The following CTNNA2 variants were observed in gnomAD, a reference collection of about 807,000 sequenced individuals.
CTNNA2 encodes the protein catenin alpha 2.
Under a neutral mutation model 101.0 loss-of-function variants are expected in CTNNA2, and 42 were observed. The observed-to-expected ratio is 0.42, with a 90% CI of 0.32 to 0.54. The LOEUF is 0.54. Among genes scored for constraint, CTNNA2 ranks in the 20% least tolerant of loss-of-function variants. The pLI, the probability that CTNNA2 is intolerant of heterozygous loss-of-function variation, is 0.14. For missense variants in CTNNA2, 871 were observed against 1,223.1 expected, an observed-to-expected ratio of 0.71 and a Z score of 4.29; for synonymous variants, 450 against 456.4, an observed-to-expected ratio of 0.99 and a Z score of 0.18.
At chr2:79,280,852 A>G (rs1381413765) in intron 2 of CTNNA2, among the ~76,000 whole-genome samples, 1 of 151,912 alleles carries the variant, frequency 6.6e-6, no homozygotes, top group Non-Finnish European at 1.5e-5. Context: ...TTTACAGGCT[A>G]CCCTGACTCC....
intron 1 of CTNNA2, among the ~76,000 whole-genome samples, chr2:79,564,085 G>C (rs948237180): frequency 6.6e-6 from 1 of 151,982 alleles, no homozygotes; most frequent in Admixed American, 6.6e-5. Flanking sequence ...GTGGGTTTGC[G>C]TATCACCTAC....
At chr2:79,896,674 C>G (rs1251789220) in intron 6 of CTNNA2, among the ~76,000 whole-genome samples, 3 of 152,174 alleles carry the variant, frequency 2.0e-5, no homozygotes, top group African/African-American at 7.2e-5. Flanking sequence ...CACAGGCGCA[C>G]TGCTGCCAGT....
At chr2:80,329,232 C>G (rs1310554255) in intron 7 of CTNNA2, among the ~76,000 whole-genome samples, 1 of 152,160 alleles carries the variant, frequency 6.6e-6, no homozygotes, top group Non-Finnish European at 1.5e-5. Flanking sequence ...GGGTGAATAA[C>G]CAGCCTGGTG....
chr2:80,004,726 G>A (rs1289298255), intron 7 of CTNNA2, among the ~76,000 whole-genome samples: 1 of 150,130 alleles, frequency 6.7e-6, no homozygotes, highest in Non-Finnish European at 1.5e-5. Context: ...CATCCGAGAT[G>A]GAGTCTTGCT....
intron 4 of CTNNA2, among the ~76,000 whole-genome samples, chr2:79,387,867 A>G (rs142346480): frequency 1.3e-3 from 191 of 152,328 alleles, no homozygotes; most frequent in African/African-American, 3.8e-3. Flanking sequence ...TTACAAATCT[A>G]TAGATGTATT....
Position 80,541,133 on chromosome 2 carries a change from G to A in CTNNA2, c.1291-3849G>A, listed in dbSNP as rs576697730. Among the ~76,000 whole-genome samples the A allele has an allele frequency of 3.9e-5, 6 of 152,086 alleles. 2 individuals are homozygous for A. The highest frequency in any genetic ancestry group is 1.4e-4 in the African/African-American group (6 of 41,486). ...TCCAGTGAGAAGCAGAGAAAGACAAGCCAAAAGAAAAAAGGGAAGGTAGGG... is the reference window on the plus strand; with the variant it reads ...TCCAGTGAGAAGCAGAGAAAGACAAACCAAAAGAAAAAAGGGAAGGTAGGG... On this transcript the variant is annotated intron_variant, in intron 9 of 18. Transcript: ENST00000402739.
chr2:79,396,018 T>C (rs997106174), intron 4 of CTNNA2, among the ~76,000 whole-genome samples: 1 of 152,192 alleles, frequency 6.6e-6, no homozygotes, highest in Admixed American at 6.5e-5. Flanking sequence ...GACACAGCAT[T>C]ATGTGTTTCC....
intron 3 of CTNNA2, among the ~76,000 whole-genome samples, chr2:79,763,759 C>G (rs575264430): frequency 2.0e-5 from 3 of 152,240 alleles, no homozygotes; most frequent in African/African-American, 7.2e-5. Context: ...TGTGGATATT[C>G]TAAAGATGAG....
chr2:79,597,722 C>G (rs1677292238), intron 1 of CTNNA2, among the ~76,000 whole-genome samples: 1 of 152,056 alleles, frequency 6.6e-6, no homozygotes, highest in African/African-American at 2.4e-5. Flanking sequence ...GCACAGCCTC[C>G]CCAGTGAGAC....
intron 8 of CTNNA2, among the ~76,000 whole-genome samples, chr2:80,407,198 C>T (rs1202968479): frequency 6.6e-6 from 1 of 152,164 alleles, no homozygotes; most frequent in Non-Finnish European, 1.5e-5. Flanking sequence ...TAACAAAAGT[C>T]GTTTGGTCAA....
chr2:79,635,011 T>C (rs1679925594), intron 1 of CTNNA2, among the ~76,000 whole-genome samples: 1 of 151,974 alleles, frequency 6.6e-6, no homozygotes, highest in African/African-American at 2.4e-5. Context: ...AAAACCATTA[T>C]GGCTGTGGGA....
intron 2 of CTNNA2, among the ~76,000 whole-genome samples, chr2:79,251,994 C>T (rs1674779785): frequency 6.6e-6 from 1 of 152,176 alleles, no homozygotes; most frequent in Non-Finnish European, 1.5e-5. Context: ...TCTCAGCTCT[C>T]AGTTGGTCAG....
chr2:79,353,909 T>G (rs1267327892), intron 3 of CTNNA2, among the ~76,000 whole-genome samples: 1 of 152,224 alleles, frequency 6.6e-6, no homozygotes, highest in Admixed American at 6.5e-5. Flanking sequence ...GAAAATAATT[T>G]TATTTCTTCT....
intron 6 of CTNNA2, among the ~76,000 whole-genome samples, chr2:79,904,455 A>T (rs1236090859): frequency 6.6e-6 from 1 of 152,300 alleles, no homozygotes; most frequent in East Asian, 1.9e-4. Context: ...AAAAGAATTA[A>T]ATTTTCGTTT....
At position 79,538,965 on chromosome 2, in the gene CTNNA2, G is replaced by C. The variant is rs112548739; in HGVS notation, c.-6+25758G>C. ...AGACCTGAACGAGGGCAGCATACTT[G>C]AGAATGGAATAACCTAGAGAAGTGA... is the stretch of plus-strand genomic sequence containing the variant. On this transcript the variant is annotated intron_variant, in intron 1 of 18. Coordinates refer to ENST00000402739, the MANE Select transcript of CTNNA2 (RefSeq NM_001282597.3). Among the ~76,000 whole-genome samples, 58 of 152,284 alleles carry C rather than the reference G, an allele frequency of 3.8e-4. 1 individual carries two copies. Among genetic ancestry groups the C allele is most frequent in the African/African-American group, 1.4e-3 (58 of 41,554 alleles).
chr2:79,237,893 A>G (rs1674577370), intron 2 of CTNNA2, among the ~76,000 whole-genome samples: 1 of 152,148 alleles, frequency 6.6e-6, no homozygotes, highest in African/African-American at 2.4e-5. Context: ...TTGATCTTCT[A>G]TCCAGACCAC....
intron 1 of CTNNA2, chr2:79,548,170 A>C (rs1673858447): frequency 6.6e-6 from 1 of 152,204 alleles, no homozygotes; most frequent in Admixed American, 6.5e-5. Flanking sequence ...TTGCCTGATG[A>C]CCACTAAACT....
chr2:79,188,116 T>G (rs964689594), intron 1 of CTNNA2, among the ~76,000 whole-genome samples: 4 of 152,152 alleles, frequency 2.6e-5, no homozygotes, highest in African/African-American at 9.7e-5. Flanking sequence ...TTTATGGATA[T>G]ATGTATATTA....
intron 4 of CTNNA2, among the ~76,000 whole-genome samples, chr2:79,443,458 G>A (rs895078510): frequency 6.6e-6 from 1 of 152,060 alleles, no homozygotes; most frequent in African/African-American, 2.4e-5. Flanking sequence ...ATTGGTGAGA[G>A]TGATTTTCTT....
Sources: allele counts gnomAD v4.1 joint callset (sites outside exome capture counted in the v4.1 genomes callset), GRCh38; gene constraint gnomAD v4.1.1; transcripts MANE v1.5; gene names NCBI Gene and HGNC (gene_info 2026-07-23, HGNC 2026-07-21).